PATL2: variants seen among roughly 807,000 people sequenced by gnomAD.
PATL2 encodes protein PAT1 homolog 2.
In PATL2, 73 loss-of-function variants were observed where a neutral mutation model predicts 77.0. That is an observed-to-expected ratio of 0.95 (90% CI 0.78 to 1.15). The LOEUF (loss-of-function observed/expected upper bound fraction) is 1.15. Among genes scored for constraint, PATL2 ranks in the 50% most tolerant of loss-of-function variants. PATL2 has a pLI of 0.00. For synonymous variants in PATL2, 265 were observed against 257.1 expected (o/e 1.03, Z -0.29); for missense variants, 618 against 655.4 (o/e 0.94, Z 0.62).
chr15:44,699,720 A>C lies in PATL2; in HGVS notation c.-76+10376T>G, dbSNP rs546179884. ...TCTAGTTTCATTCTTCTGCATATGG[A>C]TATCCAGTTTTCCCAGCACCATTTA... On this transcript the variant is annotated intron_variant, in intron 3 of 17. Transcript: ENST00000682850. 7.2e-5 allele frequency among the ~76,000 whole-genome samples: 11 copies of C among 152,250 alleles called. No individual in the cohort carries two copies. The East Asian group carries it at 1.7e-3, about 24-fold the overall frequency.
At chr15:44,674,533 A>G (rs2085853674) in intron 5 of PATL2, 2 of 198,868 alleles carry the variant, frequency 1.0e-5, no homozygotes, top group African/African-American at 4.6e-5. Flanking sequence ...CTTTTTTCTT[A>G]TATATACATG....
intron 3 of PATL2, among the ~76,000 whole-genome samples, chr15:44,694,985 A>G (rs969085313): frequency 1.3e-5 from 2 of 152,124 alleles, no homozygotes; most frequent in African/African-American, 4.8e-5. Flanking sequence ...GCAGTTAGGG[A>G]CACCATCCTG....
intron 6 of PATL2, among the ~76,000 whole-genome samples, chr15:44,673,907 G>A (rs2085818402): frequency 6.6e-6 from 1 of 152,206 alleles, no homozygotes; most frequent in African/African-American, 2.4e-5. Flanking sequence ...AAGGGATCTA[G>A]TTTGTCCTTG....
intron 3 of PATL2, among the ~76,000 whole-genome samples, chr15:44,684,048 C>T (rs1261018084): frequency 1.4e-5 from 2 of 148,116 alleles, no homozygotes; most frequent in Non-Finnish European, 1.5e-5. Flanking sequence ...GGAATAGCAT[C>T]AACATAAAAA....
chr15:44,673,006 C>CA lies in PATL2; in HGVS notation c.446+228dup, dbSNP rs575223663. 1.7e-4 allele frequency among the ~76,000 whole-genome samples: 26 copies of CA among 152,338 alleles called. No individual in the cohort carries two copies. The South Asian group carries it at 5.4e-3, about 32-fold the overall frequency. ...AACTCCTGGCCTCAAGTGATCCTCC[C>CA]ACCTTGGCCTCCCAGAGTGCTGGGA... is the stretch of plus-strand genomic sequence containing the variant. On this transcript the variant is annotated intron_variant, in intron 7 of 17. Coordinates refer to ENST00000682850, the MANE Select transcript of PATL2 (RefSeq NM_001387263.1).
At chr15:44,666,629 A>G (rs755463843) in intron 16 of PATL2, 88 bp from the exon 17 acceptor site, 36 of 1,336,126 alleles carry the variant, frequency 2.7e-5, no homozygotes, top group Non-Finnish European at 3.6e-5. Flanking sequence ...TTCCGTTACT[A>G]CTACCATTGT....
intron 3 of PATL2, among the ~76,000 whole-genome samples, chr15:44,689,712 G>T (rs962655591): frequency 1.3e-5 from 2 of 152,078 alleles, no homozygotes; most frequent in East Asian, 3.9e-4. Flanking sequence ...GGCCTGTTGT[G>T]GGGTGGGGGA....
intron 5 of PATL2, 120 bp downstream of exon 5, chr15:44,675,366 A>G: frequency 1.7e-6 from 2 of 1,149,478 alleles, no homozygotes; most frequent in Non-Finnish European, 1.2e-6. Flanking sequence ...TTAAAAAGAA[A>G]GTGTTAATCC....
intron 16 of PATL2, chr15:44,666,824 C>G (rs1339745089): frequency 3.9e-6 from 2 of 515,554 alleles, no homozygotes; most frequent in Non-Finnish European, 6.8e-6. Flanking sequence ...AGAACTTGCC[C>G]TAAAGTTATA....
chr15:44,704,555 C>T (rs1404942318), intron 3 of PATL2, among the ~76,000 whole-genome samples: 1 of 152,098 alleles, frequency 6.6e-6, no homozygotes, highest in Non-Finnish European at 1.5e-5. Flanking sequence ...TCATATTGTA[C>T]TGTCTATGTC....
intron 3 of PATL2, among the ~76,000 whole-genome samples, chr15:44,687,269 C>T (rs535319318): frequency 1.3e-5 from 2 of 152,228 alleles, no homozygotes; most frequent in Admixed American, 6.5e-5. Flanking sequence ...AATCGATTAA[C>T]GTAATCCATC....
chr15:44,709,670 T>A (rs1394071027), intron 3 of PATL2, among the ~76,000 whole-genome samples: 2 of 152,340 alleles, frequency 1.3e-5, no homozygotes, highest in East Asian at 3.9e-4. Context: ...AAATGGTAAG[T>A]CCAAGAAAAA....
chr15:44,676,796 G>T, intron 3 of PATL2: 1 of 1,199,116 alleles, frequency 8.3e-7, no homozygotes, highest in Non-Finnish European at 1.0e-6. Context: ...GAAGCAGGAA[G>T]AGAAGTACTT....
chr15:44,666,955 A>T (rs936850966), intron 16 of PATL2, 151 bp downstream of exon 16: 4 of 649,284 alleles, frequency 6.2e-6, no homozygotes, highest in Middle Eastern at 4.3e-4. Context: ...GGCACTATAG[A>T]AAAAAAGCAG....
Position 44,669,136 on chromosome 15 carries a change from C to T in PATL2, c.1068G>A (p.Glu356=), listed in dbSNP as rs1226610226. The change falls in exon 14 of 18, where the codon GAG becomes GAA. Residue 356 remains glutamate (E), a synonymous_variant. Transcript: ENST00000682850. The part of the protein sequence containing the change: ...LKTQEQNNLE[E]AADGFLQVLS... ...GCACCTGCAGGAAGCCATCTGCTGCCTCTCTGCAAGGGAGAGAGGAGAACA... is the reference window on the plus strand; with the variant it reads ...GCACCTGCAGGAAGCCATCTGCTGCTTCTCTGCAAGGGAGAGAGGAGAACA... 6.5e-7 allele frequency: 1 copy of T among 1,539,874 alleles called. No individual in the cohort carries two copies. The highest frequency in any genetic ancestry group is 1.4e-5 in the African/African-American group (1 of 72,852).
chr15:44,676,957 C>T lies in PATL2; in HGVS notation c.-75-392G>A, dbSNP rs1031279856. ...GCTCCTGGCTTTAAAAGTCCCAGCT[C>T]CTCCCCTGCTCACCCATTAAAGGGC... is the stretch of plus-strand genomic sequence containing the variant. On this transcript the variant is annotated intron_variant, in intron 3 of 17. Coordinates refer to ENST00000682850, the MANE Select transcript of PATL2 (RefSeq NM_001387263.1). 4.0e-6 allele frequency: 4 copies of T among 999,646 alleles called. No individual in the cohort carries two copies. The African/African-American group carries it at 6.9e-5, about 17-fold the overall frequency. 61.9% of individuals were successfully genotyped at this position (999,646 alleles called of 1,614,324 possible).
At chr15:44,673,440 T>TG in intron 6 of PATL2, 63 bp from the exon 7 acceptor site, 2 of 1,532,648 alleles carry the variant, frequency 1.3e-6, no homozygotes, top group Non-Finnish European at 8.8e-7. Context: ...CTGCTCTTGT[T>TG]GTGAGGGCTC....
intron 15 of PATL2, among the ~76,000 whole-genome samples, chr15:44,667,551 C>G (rs553544038): frequency 6.6e-6 from 1 of 152,314 alleles, no homozygotes; most frequent in African/African-American, 2.4e-5. Flanking sequence ...CAAAGACCTT[C>G]AGTATGGCAT....
intron 3 of PATL2, among the ~76,000 whole-genome samples, chr15:44,678,035 A>G (rs895497775): frequency 6.6e-6 from 1 of 152,040 alleles, no homozygotes; most frequent in African/African-American, 2.4e-5. Context: ...TTTTTTCAGT[A>G]GAAACAGGGT....
Sources: gnomAD v4.1 joint callset for allele counts (sites outside exome capture counted in the v4.1 genomes callset) on GRCh38, gnomAD v4.1.1 for gene constraint, MANE v1.5 for transcripts, NCBI Gene and HGNC (gene_info 2026-07-23, HGNC 2026-07-21) for gene names.